Variants in RANBP2 observed in about 807,000 individuals in gnomAD.
RANBP2 encodes the protein RAN binding protein 2.
RANBP2 carries 57 observed loss-of-function variants against 303.6 expected under a neutral mutation model. The ratio of observed to expected loss-of-function variants is 0.19; its 90% CI spans 0.15 to 0.23. The LOEUF is 0.23. Ranked by LOEUF, RANBP2 falls within the 10% of genes least tolerant of loss-of-function variation. The pLI is 1.00. For missense variants in RANBP2, 3,138 were observed against 3,780.8 expected (o/e 0.83, Z 4.46); for synonymous variants, 1,167 against 1,301.5 (o/e 0.90, Z 2.23).
the RANBP2 span, among the ~76,000 whole-genome samples, chr2:109,709,947 G>A: frequency 6.6e-6 from 1 of 151,816 alleles, no homozygotes; most frequent in Non-Finnish European, 1.5e-5. Context: ...ATTAGCCAGG[G>A]GTGGTGGTGC....
At chr2:109,576,725 A>G in the RANBP2 span, among the ~76,000 whole-genome samples, 1 of 152,206 alleles carries the variant, frequency 6.6e-6, no homozygotes. Context: ...TATGCTATTC[A>G]AGCATGAAAA....
At chr2:109,265,660 C>T in the RANBP2 span, among the ~76,000 whole-genome samples, 2 of 152,212 alleles carry the variant, frequency 1.3e-5, no homozygotes, top group Non-Finnish European at 2.9e-5. Context: ...CAGAATGTGT[C>T]TTTGATTTGG....
At chr2:108,819,722 C>T in the RANBP2 span, among the ~76,000 whole-genome samples, 1 of 152,144 alleles carries the variant, frequency 6.6e-6, no homozygotes, top group South Asian at 2.1e-4. Flanking sequence ...TGTAAAGACT[C>T]AGAAAGGTAT....
chr2:109,061,618 C>T, the RANBP2 span, among the ~76,000 whole-genome samples: 2 of 152,166 alleles, frequency 1.3e-5, no homozygotes, highest in African/African-American at 4.8e-5. Flanking sequence ...TTGATATTGT[C>T]ATGGCTAATA....
chr2:109,129,347 GCC>G, the RANBP2 span: 1 of 807,240 alleles, frequency 1.2e-6, no homozygotes, highest in Middle Eastern at 3.4e-4. Flanking sequence ...CGCCACGCAG[GCC>G]GGTCCCCGCC....
the RANBP2 span, among the ~76,000 whole-genome samples, chr2:109,173,734 A>G: frequency 2.0e-5 from 3 of 152,132 alleles, no homozygotes; most frequent in Non-Finnish European, 4.4e-5. Context: ...GGCAGTGTCT[A>G]GGGGGACCAG....
the RANBP2 span, among the ~76,000 whole-genome samples, chr2:109,218,355 A>G: frequency 6.6e-6 from 1 of 152,194 alleles, no homozygotes; most frequent in African/African-American, 2.4e-5. Flanking sequence ...TGTCCTTTCA[A>G]TTCAAAATAT....
At chr2:109,447,494 T>A in the RANBP2 span, among the ~76,000 whole-genome samples, 1 of 152,208 alleles carries the variant, frequency 6.6e-6, no homozygotes, top group Non-Finnish European at 1.5e-5. Flanking sequence ...AGTCTGCTGG[T>A]AGAAAATGAT....
the RANBP2 span, among the ~76,000 whole-genome samples, chr2:108,950,137 C>A: frequency 6.6e-6 from 1 of 152,170 alleles, no homozygotes; most frequent in African/African-American, 2.4e-5. Flanking sequence ...ATGTTCAGCC[C>A]TACAAGGCAG....
At chr2:108,906,315 G>A in the RANBP2 span, 239 of 1,614,036 alleles carry the variant, frequency 1.5e-4, 1 homozygote, top group East Asian at 1.6e-3. Context: ...TACCTTCCAC[G>A]ACTCCACACA....
the RANBP2 span, among the ~76,000 whole-genome samples, chr2:109,325,221 T>C: frequency 6.6e-6 from 1 of 151,748 alleles, no homozygotes; most frequent in Non-Finnish European, 1.5e-5. Context: ...CCAGCTGGCA[T>C]GGCTGGAGTC....
the RANBP2 span, chr2:108,876,624 T>TC: frequency 6.5e-6 from 1 of 154,570 alleles, no homozygotes; most frequent in South Asian, 2.0e-4. Flanking sequence ...TATATTAGAA[T>TC]CCTTGCTTTT....
chr2:108,750,362 G>A (rs995442181), intron 9 of RANBP2, among the ~76,000 whole-genome samples: 11 of 152,116 alleles, frequency 7.2e-5, no homozygotes, highest in African/African-American at 2.7e-4. Flanking sequence ...GGGCATCCAA[G>A]TTTTCTCAAC....
chr2:108,802,000 G>T, the RANBP2 span, among the ~76,000 whole-genome samples: 1 of 115,866 alleles, frequency 8.6e-6, no homozygotes, highest in Admixed American at 9.8e-5. Context: ...CTCTGTTTTG[G>T]TACCAGTACC....
the RANBP2 span, chr2:109,593,104 T>C: frequency 2.5e-6 from 4 of 1,600,172 alleles, no homozygotes; most frequent in Non-Finnish European, 3.4e-6. Context: ...TTCGTTGCCA[T>C]GTGAGACTGA....
At chr2:109,127,772 C>A in the RANBP2 span, 1 of 152,160 alleles carries the variant, frequency 6.6e-6, no homozygotes, top group Non-Finnish European at 1.5e-5. Flanking sequence ...TGGCTTGAGC[C>A]CAAGAGTTTG....
the RANBP2 span, among the ~76,000 whole-genome samples, chr2:109,292,836 G>A: frequency 2.6e-5 from 4 of 152,126 alleles, no homozygotes; most frequent in African/African-American, 7.2e-5. Flanking sequence ...AGGTTAAAGC[G>A]ATTCTCTTGC....
chr2:108,988,127 C>T, the RANBP2 span, among the ~76,000 whole-genome samples: 1 of 152,200 alleles, frequency 6.6e-6, no homozygotes, highest in African/African-American at 2.4e-5. Context: ...TGGGATTGCC[C>T]ACTGACCGGC....
the RANBP2 span, among the ~76,000 whole-genome samples, chr2:109,454,198 C>A: frequency 1.3e-5 from 2 of 152,332 alleles, no homozygotes; most frequent in Non-Finnish European, 2.9e-5. Context: ...GAAATACTTA[C>A]AACAATTACA....
Sources: gnomAD v4.1 joint callset for allele counts (sites outside exome capture counted in the v4.1 genomes callset) on GRCh38, gnomAD v4.1.1 for gene constraint, MANE v1.5 for transcripts, NCBI Gene and HGNC (gene_info 2026-07-23, HGNC 2026-07-21) for gene names.